The following MYO3A variants were observed in gnomAD, a reference collection of about 807,000 sequenced individuals.
The protein encoded by MYO3A is myosin IIIA.
In MYO3A, 180 loss-of-function variants were observed where a neutral mutation model predicts 192.7. The observed-to-expected ratio is 0.93, with a 90% CI of 0.83 to 1.06. MYO3A has a LOEUF of 1.06. Ranked by LOEUF, MYO3A falls within the 50% of genes least tolerant of loss-of-function variation. The pLI is 0.00. For synonymous variants in MYO3A, 628 were observed against 645.3 expected (o/e 0.97, Z 0.41); for missense variants, 1,896 against 1,905.0 (o/e 1.00, Z 0.09).
chr10:26,024,231 G>A (rs909754860), intron 9 of MYO3A, 144 bp downstream of exon 9: 1 of 783,900 alleles, frequency 1.3e-6, no homozygotes, highest in African/African-American at 1.8e-5. Flanking sequence ...TCTTTTAAAT[G>A]TTGGGTGAAT....
chr10:26,076,729 C>T (rs1378035240), intron 14 of MYO3A, among the ~76,000 whole-genome samples: 1 of 152,104 alleles, frequency 6.6e-6, no homozygotes, highest in East Asian at 1.9e-4. Flanking sequence ...CCAATTATCC[C>T]AGCACCATTT....
chr10:26,170,664 A>G, intron 29 of MYO3A, 125 bp downstream of exon 29: 2 of 1,030,606 alleles, frequency 1.9e-6, no homozygotes, highest in Non-Finnish European at 2.9e-6. Context: ...ATCAAATGTC[A>G]GTGAACACCC....
intron 31 of MYO3A, among the ~76,000 whole-genome samples, chr10:26,177,374 C>T (rs1284311290): frequency 6.6e-6 from 1 of 152,088 alleles, no homozygotes; most frequent in Non-Finnish European, 1.5e-5. Flanking sequence ...GGTTATATGG[C>T]CTTGCACACC....
chr10:26,046,118 A>T (rs1425084453), intron 10 of MYO3A, among the ~76,000 whole-genome samples: 1 of 152,184 alleles, frequency 6.6e-6, no homozygotes, highest in African/African-American at 2.4e-5. Flanking sequence ...AAACCCAAGG[A>T]GACGGTCATG....
chr10:25,956,352 A>G (rs1837535686), intron 4 of MYO3A, among the ~76,000 whole-genome samples: 1 of 151,190 alleles, frequency 6.6e-6, no homozygotes, highest in Non-Finnish European at 1.5e-5. Context: ...TTTTTTTGAA[A>G]TGGAGTCTTG....
intron 2 of MYO3A, among the ~76,000 whole-genome samples, chr10:25,947,429 T>G (rs1251482715): frequency 4.0e-5 from 6 of 148,226 alleles, no homozygotes; most frequent in African/African-American, 1.2e-4. Context: ...GTTTTGCTCT[T>G]GATACCCAGG....
At position 26,074,381 on chromosome 10, in the gene MYO3A, G is replaced by C. The variant is rs1303175345; in HGVS notation, c.1359+3980G>C. ...TATCTTTTTGTCATATAGCTATTCA[G>C]TTATCCCAATACCACTTATTAAAAA... is the stretch of plus-strand genomic sequence containing the variant. On this transcript the variant is annotated intron_variant, in intron 14 of 34. Coordinates refer to ENST00000642920, the MANE Select transcript of MYO3A (RefSeq NM_017433.5). Among the ~76,000 whole-genome samples the C allele has an allele frequency of 3.3e-5, 5 of 151,828 alleles. No homozygotes were observed. In the East Asian group the frequency reaches 9.6e-4, roughly 29 times the overall value.
At chr10:26,083,251 C>T (rs951810307) in intron 14 of MYO3A, among the ~76,000 whole-genome samples, 2 of 152,160 alleles carry the variant, frequency 1.3e-5, no homozygotes, top group African/African-American at 4.8e-5. Flanking sequence ...AGGTGGGTAG[C>T]ATATACAACA....
intron 18 of MYO3A, 79 bp from the exon 19 acceptor site, chr10:26,125,319 C>T: frequency 8.0e-7 from 1 of 1,246,240 alleles, no homozygotes; most frequent in Non-Finnish European, 1.2e-6. Context: ...TTGAAGAAGG[C>T]AGATTAAGAC....
chr10:26,064,491 A>T (rs532734677), intron 10 of MYO3A, among the ~76,000 whole-genome samples: 1 of 152,306 alleles, frequency 6.6e-6, no homozygotes, highest in East Asian at 1.9e-4. Flanking sequence ...GGCATTGGAT[A>T]TTCCTTTGAG....
intron 14 of MYO3A, among the ~76,000 whole-genome samples, chr10:26,079,665 C>A (rs559330589): frequency 6.6e-6 from 1 of 152,090 alleles, no homozygotes; most frequent in African/African-American, 2.4e-5. Flanking sequence ...TTCCAGGATT[C>A]ATTTCAAGAT....
chr10:26,093,930 C>A lies in MYO3A; in HGVS notation c.1563-2451C>A, dbSNP rs575717638. On this transcript the variant is annotated intron_variant, in intron 15 of 34. Coordinates refer to ENST00000642920, the MANE Select transcript of MYO3A (RefSeq NM_017433.5). ...ACTATCCTTCTCTAGTTATATAAGACCCCCCGACTCTCTCTTCACTCAGGG... is the reference window on the plus strand; with the variant it reads ...ACTATCCTTCTCTAGTTATATAAGAACCCCCGACTCTCTCTTCACTCAGGG... 8.5e-5 allele frequency among the ~76,000 whole-genome samples: 13 copies of A among 152,132 alleles called. 1 individual carries two copies. The South Asian group carries it at 2.5e-3, about 29-fold the overall frequency.
intron 4 of MYO3A, among the ~76,000 whole-genome samples, chr10:25,958,979 G>T (rs142326564): frequency 4.5e-4 from 68 of 152,132 alleles, no homozygotes; most frequent in Admixed American, 7.9e-4. Context: ...ACTGTTTTTG[G>T]TGTATAGGAA....
chr10:26,063,029 TCTAAAATGAG>T (rs1834607324), intron 10 of MYO3A, among the ~76,000 whole-genome samples: 1 of 152,206 alleles, frequency 6.6e-6, no homozygotes, highest in South Asian at 2.1e-4. Context: ...ACGACTGCTA[TCTAAAATGAG>T]CTAGGAAGTC....
At chr10:26,024,134 T>C (rs1842438661) in intron 9 of MYO3A, 47 bp downstream of exon 9, 15 of 1,504,930 alleles carry the variant, frequency 1.0e-5, no homozygotes, top group Non-Finnish European at 1.3e-5. Flanking sequence ...TCCCTCCTGC[T>C]ATAACTAAAT....
At chr10:26,126,868 C>A (rs767341870) in intron 19 of MYO3A, among the ~76,000 whole-genome samples, 1 of 152,142 alleles carries the variant, frequency 6.6e-6, no homozygotes, top group East Asian at 1.9e-4. Flanking sequence ...CCATCCAAAT[C>A]TTAGATTTTA....
intron 20 of MYO3A, among the ~76,000 whole-genome samples, chr10:26,141,133 CAGCT>C (rs751032759): frequency 4.2e-4 from 64 of 152,030 alleles, no homozygotes; most frequent in Non-Finnish European, 7.1e-4. Context: ...TTCACTGTGA[CAGCT>C]AGGATGGTCT....
intron 10 of MYO3A, among the ~76,000 whole-genome samples, chr10:26,049,940 C>G (rs11816664): frequency 0.1 from 15,371 of 151,968 alleles, 830 homozygotes; most frequent in Non-Finnish European, 0.12. Context: ...TCCCAAAGTA[C>G]TGGGATTACA....
intron 10 of MYO3A, among the ~76,000 whole-genome samples, chr10:26,036,708 A>G (rs1015633504): frequency 6.6e-6 from 1 of 152,176 alleles, no homozygotes; most frequent in Non-Finnish European, 1.5e-5. Context: ...TAAAAGGACC[A>G]ACTTGCTCAT....
Sources: allele counts gnomAD v4.1 joint callset (sites outside exome capture counted in the v4.1 genomes callset), GRCh38; gene constraint gnomAD v4.1.1; transcripts MANE v1.5; gene names NCBI Gene and HGNC (gene_info 2026-07-23, HGNC 2026-07-21).